ODAD2: variants seen among roughly 807,000 people sequenced by gnomAD.
ODAD2 encodes the protein outer dynein arm-docking complex subunit 2.
Under a neutral mutation model 106.8 loss-of-function variants are expected in ODAD2, and 89 were observed. The ratio of observed to expected loss-of-function variants is 0.83; its 90% confidence interval spans 0.70 to 0.99. The LOEUF (loss-of-function observed/expected upper bound fraction) is 0.99, where lower values mean the gene tolerates loss of function less well. Ranked by LOEUF, ODAD2 falls within the 50% of genes least tolerant of loss-of-function variation. ODAD2 has a pLI of 0.00. For missense variants in ODAD2, 1,168 were observed against 1,238.5 expected (o/e 0.94, Z 0.85); for synonymous variants, 404 against 436.2 (o/e 0.93, Z 0.92).
chr10:27,928,751 T>A (rs1197065990), intron 16 of ODAD2, among the ~76,000 whole-genome samples: 1 of 152,166 alleles, frequency 6.6e-6, no homozygotes, highest in Admixed American at 6.6e-5. Flanking sequence ...TAGTTATGTA[T>A]TATCTTTTAA....
chr10:27,969,220 G>T (rs1402718198), intron 8 of ODAD2, among the ~76,000 whole-genome samples: 18 of 151,964 alleles, frequency 1.2e-4, no homozygotes, highest in African/African-American at 3.9e-4. Flanking sequence ...ACATATTGAA[G>T]AAACTTTCTG....
At chr10:27,868,806 C>A (rs1415115526) in intron 17 of ODAD2, among the ~76,000 whole-genome samples, 2 of 151,948 alleles carry the variant, frequency 1.3e-5, no homozygotes, top group African/African-American at 4.8e-5. Flanking sequence ...CAAACCTGCA[C>A]ATTCTGCACA....
intron 17 of ODAD2, among the ~76,000 whole-genome samples, chr10:27,872,341 C>G (rs931710245): frequency 6.6e-6 from 1 of 151,860 alleles, no homozygotes; most frequent in African/African-American, 2.4e-5. Context: ...ATTAAATACC[C>G]TTTATTTCTT....
At chr10:27,885,048 T>C (rs572831163) in intron 17 of ODAD2, among the ~76,000 whole-genome samples, 7 of 152,206 alleles carry the variant, frequency 4.6e-5, no homozygotes, top group African/African-American at 1.7e-4. Flanking sequence ...GCATGGCTTA[T>C]GTAAGGGAAC....
rs1189193018 is a variant in ODAD2 at position 27,843,297 on chromosome 10, A to G, written c.3021+17328T>C. Among the ~76,000 whole-genome samples the G allele has an allele frequency of 2.0e-5, 3 of 152,242 alleles. No homozygotes were observed. The South Asian group carries it at 6.2e-4, about 31-fold the overall frequency. ...AATCTTGAAGGTTTAGAAAAGATCG[A>G]GCTGAATCAATAGTAATGTACAAAC... On this transcript the variant is annotated intron_variant, in intron 19 of 19. Coordinates refer to ENST00000305242, the MANE Select transcript of ODAD2 (RefSeq NM_018076.5).
chr10:27,993,974 ATGTGTG>A lies in ODAD2; in HGVS notation c.224+939_224+944del, dbSNP rs56017872. On this transcript the variant is annotated intron_variant, in intron 2 of 19. Coordinates refer to ENST00000305242, the MANE Select transcript of ODAD2 (RefSeq NM_018076.5). ...GAGGCTGGCAAATATATATATATAT[ATGTGTG>A]TGTGTGTGTGTGTGTGTGTGTGTGT... Among the ~76,000 whole-genome samples the A allele has an allele frequency of 8.9e-4, 125 of 140,616 alleles. 3 individuals carry two copies. In the East Asian group the frequency reaches 0.021, roughly 23 times the overall value. The allele number at this position is 140,616 out of a possible 152,430, so 92.2% of individuals were successfully genotyped here. A position where few individuals can be genotyped will look rare whatever the true frequency, so the allele number is the denominator to read the frequency against.
chr10:27,899,594 C>T (rs1170475989), intron 17 of ODAD2, among the ~76,000 whole-genome samples: 1 of 152,118 alleles, frequency 6.6e-6, no homozygotes, highest in African/African-American at 2.4e-5. Context: ...GCATAGCAGT[C>T]CAAAGTCGAC....
chr10:27,893,981 C>G (rs1243175571), intron 17 of ODAD2, among the ~76,000 whole-genome samples: 2 of 151,878 alleles, frequency 1.3e-5, no homozygotes, highest in African/African-American at 4.8e-5. Context: ...AAGACCCTAT[C>G]TTGATCTGAA....
intron 19 of ODAD2, among the ~76,000 whole-genome samples, chr10:27,850,902 G>A (rs1839210983): frequency 6.6e-6 from 1 of 152,198 alleles, no homozygotes; most frequent in Non-Finnish European, 1.5e-5. Context: ...CCCAGACAAA[G>A]CCTGACAGTC....
intron 19 of ODAD2, among the ~76,000 whole-genome samples, chr10:27,816,985 G>C (rs952895654): frequency 1.3e-5 from 2 of 152,098 alleles, no homozygotes; most frequent in Non-Finnish European, 2.9e-5. Flanking sequence ...CCTGACCTCA[G>C]GTGATCCACC....
chr10:27,825,289 C>T (rs147269040), intron 19 of ODAD2, among the ~76,000 whole-genome samples: 12 of 152,280 alleles, frequency 7.9e-5, no homozygotes, highest in Non-Finnish European at 1.3e-4. Context: ...GTTCTCAATA[C>T]GCAAAAAGAT....
At chr10:27,929,643 T>G (rs1238820365) in intron 16 of ODAD2, among the ~76,000 whole-genome samples, 3 of 152,184 alleles carry the variant, frequency 2.0e-5, no homozygotes, top group Non-Finnish European at 4.4e-5. Flanking sequence ...CATTCACCAA[T>G]CCTGTATGCT....
At chr10:27,948,371 G>A (rs1424140354) in intron 10 of ODAD2, among the ~76,000 whole-genome samples, 3 of 152,048 alleles carry the variant, frequency 2.0e-5, no homozygotes, top group Non-Finnish European at 4.4e-5. Context: ...GAATACCAGA[G>A]GACAGGAGCC....
intron 19 of ODAD2, among the ~76,000 whole-genome samples, chr10:27,844,641 A>G (rs1281888187): frequency 1.3e-5 from 2 of 152,226 alleles, no homozygotes; most frequent in African/African-American, 4.8e-5. Context: ...AACTAAGATA[A>G]TAAGTTTCCA....
intron 17 of ODAD2, among the ~76,000 whole-genome samples, chr10:27,872,502 T>C (rs1176872804): frequency 1.3e-5 from 2 of 151,934 alleles, no homozygotes; most frequent in Non-Finnish European, 2.9e-5. Flanking sequence ...TTGTCATAAA[T>C]AGCTCTTATT....
Position 27,866,189 on chromosome 10 carries a change from A to G in ODAD2, c.2611-3567T>C, listed in dbSNP as rs139675333. Reference sequence around the variant, plus strand: ...AAATATCCAACACTGTTTAATCCTAATTACCCTTTGAGGCAGTTAGTGGTG... The same window carrying G: ...AAATATCCAACACTGTTTAATCCTAGTTACCCTTTGAGGCAGTTAGTGGTG... On this transcript the variant is annotated intron_variant, in intron 17 of 19. Transcript: ENST00000305242. 7.6e-4 allele frequency among the ~76,000 whole-genome samples: 116 copies of G among 152,290 alleles called. 1 individual carries two copies. Among genetic ancestry groups the G allele is most frequent in the African/African-American group, 2.5e-3 (103 of 41,554 alleles).
At chr10:27,846,441 T>C (rs1838761040) in intron 19 of ODAD2, among the ~76,000 whole-genome samples, 1 of 152,210 alleles carries the variant, frequency 6.6e-6, no homozygotes, top group Admixed American at 6.5e-5. Flanking sequence ...GAGGGAAATT[T>C]ATAGCACTAA....
In ODAD2 at chr10:27,984,267, G is replaced by T; in HGVS notation, c.599C>A (p.Thr200Lys). ...ISLEISLSPM[T>K]VKKDIELLKR... ...GAGCAGTTCTATATCCTTCTTCACC[G>T]TCATGGGACTTAAACTTATTTCTCT... Residue 200 changes from threonine to lysine, a missense_variant, in exon 5 of 20, where the codon ACG becomes AAG. Around this residue, in one of 3 missense-constraint regions of ODAD2, gnomAD observed 430 missense variants for 452.2 expected, o/e 0.95. Transcript: ENST00000305242. The T allele has an allele frequency of 6.2e-7, 1 of 1,612,314 alleles. No homozygotes were observed. Among genetic ancestry groups the T allele is most frequent in the Non-Finnish European group, 8.5e-7 (1 of 1,178,614 alleles).
At chr10:27,923,945 TGAAA>T (rs747193046) in intron 16 of ODAD2, among the ~76,000 whole-genome samples, 4,577 of 45,844 alleles carry the variant, frequency 0.1, 138 homozygotes, top group Non-Finnish European at 0.12. Context: ...CCCTGTCTAA[TGAAA>T]GAAAGAAAGA....
Sources: gnomAD v4.1 joint callset for allele counts (sites outside exome capture counted in the v4.1 genomes callset) on GRCh38, gnomAD v4.1.1 for gene constraint, gnomAD v4.1.1 regional missense constraint, MANE v1.5 for transcripts, NCBI Gene and HGNC (gene_info 2026-07-23, HGNC 2026-07-21) for gene names.